Variants in TM9SF2 observed in about 807,000 individuals in gnomAD.
The protein encoded by TM9SF2 is 76 kDa membrane protein.
A neutral mutation model predicts 84.9 loss-of-function variants in TM9SF2; 13 were observed. The ratio of observed to expected loss-of-function variants is 0.15; its 90% CI spans 0.10 to 0.24. The LOEUF (loss-of-function observed/expected upper bound fraction) is 0.24, where lower values mean the gene tolerates loss of function less well. Among genes scored for constraint, TM9SF2 ranks in the 10% least tolerant of loss-of-function variants. The pLI is 1.00. For missense variants in TM9SF2, 562 were observed against 818.5 expected (o/e 0.69, Z 3.82); for synonymous variants, 273 against 285.8 (o/e 0.96, Z 0.45).
At chr13:99,556,579 T>A (rs1023721340) in intron 15 of TM9SF2, among the ~76,000 whole-genome samples, 17 of 151,524 alleles carry the variant, frequency 1.1e-4, no homozygotes, top group Non-Finnish European at 2.2e-4. Flanking sequence ...CATTCCTTTT[T>A]TTTTTTTTTT....
chr13:99,551,112 G>A (rs1430861335), intron 12 of TM9SF2, among the ~76,000 whole-genome samples: 3 of 152,212 alleles, frequency 2.0e-5, no homozygotes, highest in Admixed American at 2.0e-4. Flanking sequence ...TAATGGTAGT[G>A]GTAGTTGTGC....
At chr13:99,523,298 T>G (rs1594049682) in intron 3 of TM9SF2, among the ~76,000 whole-genome samples, 1 of 152,114 alleles carries the variant, frequency 6.6e-6, no homozygotes, top group South Asian at 2.1e-4. Context: ...ACTACAGATA[T>G]GCCCACCATG....
intron 15 of TM9SF2, among the ~76,000 whole-genome samples, chr13:99,556,705 T>C (rs1247347335): frequency 6.6e-6 from 1 of 151,576 alleles, no homozygotes; most frequent in Non-Finnish European, 1.5e-5. Context: ...TGCCTCAGCC[T>C]CCTGAGTAGC....
chr13:99,520,331 A>G (rs1428542711), intron 3 of TM9SF2, among the ~76,000 whole-genome samples: 1 of 152,172 alleles, frequency 6.6e-6, no homozygotes, highest in Non-Finnish European at 1.5e-5. Flanking sequence ...CTTAATGAAC[A>G]TTCACGCAAC....
In TM9SF2 at chr13:99,520,031, C is replaced by T; in HGVS notation, c.240-5C>T. 1 of 1,611,554 alleles carries T rather than the reference C, an allele frequency of 6.2e-7. No homozygotes were observed. Among genetic ancestry groups the T allele is most frequent in the South Asian group, 1.1e-5 (1 of 90,436 alleles). On this transcript the variant is annotated splice_polypyrimidine_tract_variant and splice_region_variant and intron_variant, in intron 2 of 16. Coordinates refer to ENST00000376387, the MANE Select transcript of TM9SF2 (RefSeq NM_004800.3). ...TGTGTAAAAATTTAAATATTCTTCTCCCAGGTTTGATTTTTGCCAAGCATC... is the reference window on the plus strand; with the variant it reads ...TGTGTAAAAATTTAAATATTCTTCTTCCAGGTTTGATTTTTGCCAAGCATC...
intron 1 of TM9SF2, among the ~76,000 whole-genome samples, chr13:99,517,008 C>G (rs1367971194): frequency 6.6e-6 from 1 of 152,006 alleles, no homozygotes; most frequent in Non-Finnish European, 1.5e-5. Flanking sequence ...ATGATAAATG[C>G]TTTTAGTTAA....
intron 1 of TM9SF2, 147 bp downstream of exon 1, chr13:99,501,924 G>A: frequency 6.0e-6 from 7 of 1,161,780 alleles, no homozygotes; most frequent in South Asian, 1.5e-5. Flanking sequence ...GGGGTCTGCT[G>A]GGCTGTGGGT....
chr13:99,551,779 A>G (rs1044088485), intron 12 of TM9SF2, among the ~76,000 whole-genome samples: 1 of 152,210 alleles, frequency 6.6e-6, no homozygotes, highest in Non-Finnish European at 1.5e-5. Flanking sequence ...TTGGCAAGAC[A>G]TGCAGGTCAA....
rs762106509 is a variant in TM9SF2 at position 99,520,113 on chromosome 13, A to G, written c.317A>G (p.Glu106Gly). ...LGQVLFGERIEPSPYKFTFNK... is the reference protein window; with the variant it reads ...LGQVLFGERIGPSPYKFTFNK... ...CAGGTACTATTCGGGGAAAGAATTG[A>G]ACCTTCACCATATAAGGTTTGTATT... Residue 106 changes from glutamate (E) to glycine (G), a missense_variant, in exon 3 of 17, where the codon GAA becomes GGA. Transcript: ENST00000376387. 1.2e-6 allele frequency: 2 copies of G among 1,613,470 alleles called. No individual in the cohort carries two copies. The highest frequency in any genetic ancestry group is 2.2e-5 in the South Asian group (2 of 90,958).
chr13:99,525,695 A>G (rs1278862691), intron 3 of TM9SF2, among the ~76,000 whole-genome samples: 2 of 151,500 alleles, frequency 1.3e-5, no homozygotes, highest in Non-Finnish European at 2.9e-5. Flanking sequence ...AGCTGGGACT[A>G]TAGGCGCCCG....
At chr13:99,520,325 A>G (rs932044051) in intron 3 of TM9SF2, among the ~76,000 whole-genome samples, 196 bp downstream of exon 3, 5 of 152,180 alleles carry the variant, frequency 3.3e-5, no homozygotes, top group African/African-American at 1.2e-4. Flanking sequence ...GTCTGTCTTA[A>G]TGAACATTCA....
intron 7 of TM9SF2, 79 bp from the exon 8 acceptor site, chr13:99,540,635 G>C (rs1303493784): frequency 3.4e-6 from 4 of 1,193,328 alleles, no homozygotes; most frequent in African/African-American, 1.5e-5. Context: ...GGAAGGACAA[G>C]CTTTGAATGG....
intron 3 of TM9SF2, among the ~76,000 whole-genome samples, chr13:99,521,299 C>T (rs2139080485): frequency 6.6e-6 from 1 of 152,214 alleles, no homozygotes; most frequent in South Asian, 2.1e-4. Context: ...ATACTATATG[C>T]CACACTTTGC....
intron 3 of TM9SF2, among the ~76,000 whole-genome samples, chr13:99,529,028 C>T (rs959399048): frequency 5.9e-5 from 9 of 151,712 alleles, no homozygotes; most frequent in East Asian, 5.8e-4. Context: ...TCTCTATCAC[C>T]TGACACTTAA....
intron 5 of TM9SF2, among the ~76,000 whole-genome samples, chr13:99,537,340 C>T (rs990701787): frequency 2.6e-5 from 4 of 151,950 alleles, no homozygotes; most frequent in Admixed American, 6.6e-5. Flanking sequence ...GAGTGCTGAC[C>T]AGAGATACTT....
chr13:99,512,516 CAT>C (rs2046117738), intron 1 of TM9SF2, among the ~76,000 whole-genome samples: 1 of 151,986 alleles, frequency 6.6e-6, no homozygotes. Context: ...AAACTAATAA[CAT>C]GTAGATAAGA....
intron 9 of TM9SF2, among the ~76,000 whole-genome samples, chr13:99,543,352 A>G (rs1221320753): frequency 6.6e-6 from 1 of 152,252 alleles, no homozygotes; most frequent in Non-Finnish European, 1.5e-5. Flanking sequence ...TCCTGAGAGT[A>G]GGAATTTTTC....
At chr13:99,505,559 A>G (rs1201757591) in intron 1 of TM9SF2, among the ~76,000 whole-genome samples, 1 of 152,240 alleles carries the variant, frequency 6.6e-6, no homozygotes, top group East Asian at 1.9e-4. Context: ...AACCATAGTA[A>G]TAAAAGATTG....
At chr13:99,512,269 GCGTGT>G (rs2046116653) in intron 1 of TM9SF2, among the ~76,000 whole-genome samples, 1 of 152,180 alleles carries the variant, frequency 6.6e-6, no homozygotes, top group Non-Finnish European at 1.5e-5. Flanking sequence ...ACCAGCTTCT[GCGTGT>G]ACTGTTTTCT....
Sources: allele counts gnomAD v4.1 joint callset (sites outside exome capture counted in the v4.1 genomes callset), GRCh38; gene constraint gnomAD v4.1.1; transcripts MANE v1.5; gene names NCBI Gene and HGNC (gene_info 2026-07-23, HGNC 2026-07-21).